The following COL24A1 variants were observed in gnomAD, a reference collection of about 807,000 sequenced individuals.
COL24A1 encodes the protein collagen alpha-1(XXIV) chain.
In COL24A1, 224 loss-of-function variants were observed where a neutral mutation model predicts 253.9. That is an observed-to-expected ratio of 0.88 (90% CI 0.79 to 0.99). The LOEUF is 0.99. COL24A1 is among the 50% of genes least tolerant of loss of function. COL24A1 has a pLI of 0.00. For synonymous variants in COL24A1, 685 were observed against 673.7 expected (o/e 1.02, Z -0.26); for missense variants, 2,131 against 2,068.5 (o/e 1.03, Z -0.59).
At chr1:86,099,986 T>C (rs1457773172) in intron 5 of COL24A1, among the ~76,000 whole-genome samples, 2 of 152,136 alleles carry the variant, frequency 1.3e-5, no homozygotes, top group Admixed American at 1.3e-4. Context: ...ATGTGCACTA[T>C]ACCCAAAGGA....
At chr1:85,792,834 T>C (rs1670434644) in intron 47 of COL24A1, among the ~76,000 whole-genome samples, 1 of 152,126 alleles carries the variant, frequency 6.6e-6, no homozygotes, top group African/African-American at 2.4e-5. Context: ...AGATGTAATG[T>C]AAATACCTGA....
At position 85,781,233 on chromosome 1, in the gene COL24A1, G is replaced by T; in HGVS notation, c.4325C>A (p.Pro1442Gln). 1.2e-6 allele frequency: 2 copies of T among 1,604,220 alleles called. No individual in the cohort carries two copies. The change falls in exon 52 of 60, where the codon CCA becomes CAA. Residue 1442 changes from proline to glutamine, a missense_variant. By Grantham distance (76) the Pro-to-Gln change is moderately conservative. Coordinates refer to ENST00000370571, the MANE Select transcript of COL24A1 (RefSeq NM_152890.7). ...GPLGREGIIG[P>Q]TGRTGPRGEK... ...TGATAAACTTACAGTTCTACCTGTT[G>T]GGCCTATTATACCTTCTCTGCCAAG...
intron 3 of COL24A1, among the ~76,000 whole-genome samples, chr1:86,119,736 A>G (rs1055126290): frequency 2.6e-5 from 4 of 152,194 alleles, no homozygotes; most frequent in African/African-American, 9.6e-5. Flanking sequence ...CAAATCACCA[A>G]GATACAGTTG....
intron 37 of COL24A1, among the ~76,000 whole-genome samples, chr1:85,853,284 G>A (rs1208541957): frequency 2.0e-5 from 3 of 152,108 alleles, no homozygotes; most frequent in Non-Finnish European, 4.4e-5. Flanking sequence ...CCATGTTGCT[G>A]GTTAAGGACA....
At chr1:85,915,090 G>A (rs1273073617) in intron 24 of COL24A1, among the ~76,000 whole-genome samples, 1 of 152,164 alleles carries the variant, frequency 6.6e-6, no homozygotes, top group Non-Finnish European at 1.5e-5. Flanking sequence ...ATTTAAATAG[G>A]TAAACTGACT....
At chr1:85,831,157 T>A (rs997133770) in intron 43 of COL24A1, among the ~76,000 whole-genome samples, 2 of 152,004 alleles carry the variant, frequency 1.3e-5, no homozygotes, top group Admixed American at 1.3e-4. Context: ...CACACGAGCC[T>A]TAGCAAAACA....
chr1:85,740,545 C>A (rs186619866), intron 57 of COL24A1, among the ~76,000 whole-genome samples: 4 of 152,108 alleles, frequency 2.6e-5, no homozygotes, highest in East Asian at 2.0e-4. Flanking sequence ...AACCTCCACC[C>A]CCTGCAGGCT....
intron 12 of COL24A1, 91 bp downstream of exon 12, chr1:86,046,734 G>A (rs1699930887): frequency 2.0e-6 from 3 of 1,482,154 alleles, no homozygotes; most frequent in Non-Finnish European, 2.8e-6. Context: ...ACAACAAAAA[G>A]CAAAAAGTAT....
intron 2 of COL24A1, among the ~76,000 whole-genome samples, chr1:86,132,508 G>T (rs1199953886): frequency 2.3e-4 from 35 of 152,020 alleles, no homozygotes; most frequent in African/African-American, 4.3e-4. Context: ...GGTCTAACAT[G>T]TAAGTCTTTA....
chr1:86,110,963 G>A (rs1015041726), intron 5 of COL24A1, among the ~76,000 whole-genome samples: 6 of 152,298 alleles, frequency 3.9e-5, no homozygotes, highest in South Asian at 2.1e-4. Flanking sequence ...GGGCAGCTCC[G>A]ACCGTTGCCC....
chr1:85,786,892 A>C (rs1669737972), intron 47 of COL24A1, among the ~76,000 whole-genome samples: 1 of 152,230 alleles, frequency 6.6e-6, no homozygotes, highest in African/African-American at 2.4e-5. Flanking sequence ...AAAATTGTTT[A>C]ACTGGAAATA....
In COL24A1 at chr1:85,842,139, G is replaced by C. The variant is rs1257177476; in HGVS notation, c.3517-18C>G. On this transcript the variant is annotated intron_variant, in intron 40 of 59. Transcript: ENST00000370571. The stretch of plus-strand genomic sequence containing the variant: ...TGATGGCCCTACGAAAGGACAAGTA[G>C]ACATTTATACATGCTCTACCTAGAT... The C allele has an allele frequency of 6.2e-7, 1 of 1,610,770 alleles. No individual in the cohort carries two copies. The highest frequency in any genetic ancestry group is 8.5e-7 in the Non-Finnish European group (1 of 1,177,174).
chr1:86,021,414 G>A (rs1235846307), intron 18 of COL24A1, among the ~76,000 whole-genome samples: 1 of 152,030 alleles, frequency 6.6e-6, no homozygotes, highest in Non-Finnish European at 1.5e-5. Flanking sequence ...AAACGCATGA[G>A]CTCTGACATA....
At chr1:85,978,060 T>G (rs547971282) in intron 20 of COL24A1, among the ~76,000 whole-genome samples, 17 of 152,290 alleles carry the variant, frequency 1.1e-4, no homozygotes, top group Non-Finnish European at 1.5e-4. Flanking sequence ...CCAGAAGGGA[T>G]TGGGGTCCTA....
chr1:86,019,114 T>G (rs1697253776), intron 18 of COL24A1, among the ~76,000 whole-genome samples: 1 of 152,148 alleles, frequency 6.6e-6, no homozygotes. Context: ...AAACAAACAT[T>G]TTAGATAGGC....
At position 86,022,310 on chromosome 1, in the gene COL24A1, A is replaced by ACAGG. The variant is rs2101349875; in HGVS notation, c.2203-18_2203-17insCCTG. The ACAGG allele has an allele frequency of 1.4e-6, 2 of 1,466,174 alleles. No homozygotes were observed. Among genetic ancestry groups the ACAGG allele is most frequent in the Non-Finnish European group, 1.8e-6 (2 of 1,112,314 alleles). 90.8% of individuals were successfully genotyped at this position (1,466,174 alleles called of 1,614,324 possible). A position where few individuals can be genotyped will look rare whatever the true frequency, so the allele number is the denominator to read the frequency against. On this transcript the variant is annotated splice_polypyrimidine_tract_variant and intron_variant, in intron 17 of 59. Coordinates refer to ENST00000370571, the MANE Select transcript of COL24A1 (RefSeq NM_152890.7). The stretch of plus-strand genomic sequence containing the variant: ...AACAGCACCCTAAGAGAAGAGAATA[A>ACAGG]CAGAAGAGAAAGTTATTATACCACA...
intron 47 of COL24A1, among the ~76,000 whole-genome samples, chr1:85,814,995 T>G (rs1301503073): frequency 1.3e-5 from 2 of 152,186 alleles, no homozygotes; most frequent in Non-Finnish European, 2.9e-5. Flanking sequence ...TTAAATAAAT[T>G]CATTTGCTAC....
intron 51 of COL24A1, among the ~76,000 whole-genome samples, chr1:85,782,555 A>G (rs1218404894): frequency 1.3e-5 from 2 of 152,238 alleles, no homozygotes; most frequent in East Asian, 3.8e-4. Flanking sequence ...AGGGACATGG[A>G]TGAAGCTGGA....
intron 4 of COL24A1, among the ~76,000 whole-genome samples, chr1:86,113,884 T>C (rs1220853936): frequency 2.7e-5 from 4 of 145,572 alleles, no homozygotes; most frequent in Admixed American, 2.7e-4. Flanking sequence ...AATGGTTAGA[T>C]GTTATGACTT....
Sources: allele counts gnomAD v4.1 joint callset (sites outside exome capture counted in the v4.1 genomes callset), GRCh38; gene constraint gnomAD v4.1.1; transcripts MANE v1.5; gene names NCBI Gene and HGNC (gene_info 2026-07-23, HGNC 2026-07-21).